Variants in CSMD1 observed in about 807,000 individuals in gnomAD.
The protein encoded by CSMD1 is CUB and sushi domain-containing protein 1.
A neutral mutation model predicts 417.5 loss-of-function variants in CSMD1; 213 were observed. That is an observed-to-expected ratio of 0.51 (90% CI 0.46 to 0.57). The LOEUF is 0.57. Among genes scored for constraint, CSMD1 ranks in the 20% least tolerant of loss-of-function variants. The probability of loss-of-function intolerance (pLI) is 0.00; values close to 1 mark genes in which losing one functional copy is unlikely to be tolerated. For missense variants in CSMD1, 6,923 were observed against 4,529.7 expected, an observed-to-expected ratio of 1.53 and a Z score of -15.17; for synonymous variants, 2,862 against 1,736.8, an observed-to-expected ratio of 1.65 and a Z score of -16.11.
rs79200833 is a variant in CSMD1, at chr8:4,103,025, G to T, written c.416-70926C>A. Reference sequence around the variant, plus strand: ...TCTAAACTTTTTACTCTTTGACATTGTGAGTTGACTCAGCGGGTCAGAGAA... The same window carrying T: ...TCTAAACTTTTTACTCTTTGACATTTTGAGTTGACTCAGCGGGTCAGAGAA... On this transcript the variant is annotated intron_variant, in intron 3 of 69. Coordinates refer to ENST00000635120, the MANE Select transcript of CSMD1 (RefSeq NM_033225.6). 5.3e-3 allele frequency among the ~76,000 whole-genome samples: 813 copies of T among 152,246 alleles called. 6 individuals are homozygous for T. The highest frequency in any genetic ancestry group is 0.019 in the African/African-American group (779 of 41,556).
intron 1 of CSMD1, among the ~76,000 whole-genome samples, chr8:4,777,532 A>AT (rs1284408692): frequency 6.6e-6 from 1 of 152,206 alleles, no homozygotes; most frequent in Non-Finnish European, 1.5e-5. Flanking sequence ...AACATAACAC[A>AT]TTTTTTAAAA....
chr8:4,651,458 C>G (rs1803891388), intron 1 of CSMD1, among the ~76,000 whole-genome samples: 1 of 152,082 alleles, frequency 6.6e-6, no homozygotes, highest in Admixed American at 6.6e-5. Flanking sequence ...TGATTATAGT[C>G]ATATACTGGT....
intron 5 of CSMD1, among the ~76,000 whole-genome samples, chr8:3,934,211 C>G (rs947340442): frequency 6.6e-6 from 1 of 152,188 alleles, no homozygotes; most frequent in African/African-American, 2.4e-5. Context: ...TCATTACACT[C>G]CTACCTAATC....
At chr8:3,622,143 G>C (rs1006720375) in intron 7 of CSMD1, among the ~76,000 whole-genome samples, 1 of 152,070 alleles carries the variant, frequency 6.6e-6, no homozygotes, top group Non-Finnish European at 1.5e-5. Flanking sequence ...TCTACTACTA[G>C]CTCTCTGAAA....
intron 49 of CSMD1, among the ~76,000 whole-genome samples, chr8:3,082,762 T>A (rs1444304789): frequency 1.3e-5 from 2 of 152,172 alleles, no homozygotes; most frequent in East Asian, 3.9e-4. Context: ...GTCAAGAAAT[T>A]ATACAAAAGA....
At chr8:3,150,461 C>G (rs35194327) in intron 40 of CSMD1, among the ~76,000 whole-genome samples, 10,329 of 152,266 alleles carry the variant, frequency 0.068, 448 homozygotes, top group Middle Eastern at 0.12. Flanking sequence ...CTGAGCAAGT[C>G]CACCCTGACT....
At chr8:4,764,396 A>G (rs930718848) in intron 1 of CSMD1, among the ~76,000 whole-genome samples, 5 of 152,180 alleles carry the variant, frequency 3.3e-5, no homozygotes. Context: ...TTTCTGGCAT[A>G]TTACTTTTTT....
chr8:4,806,695 T>C (rs981359043), intron 1 of CSMD1, among the ~76,000 whole-genome samples: 1 of 152,132 alleles, frequency 6.6e-6, no homozygotes, highest in Non-Finnish European at 1.5e-5. Flanking sequence ...TGCCTGTGAG[T>C]TTCATGTAGA....
chr8:3,944,177 T>G (rs954157505), intron 5 of CSMD1, among the ~76,000 whole-genome samples: 1 of 152,112 alleles, frequency 6.6e-6, no homozygotes, highest in Non-Finnish European at 1.5e-5. Context: ...ATGCAACACT[T>G]TTGTAAGTCT....
At chr8:4,049,178 C>G (rs772325004) in intron 3 of CSMD1, among the ~76,000 whole-genome samples, 7 of 152,068 alleles carry the variant, frequency 4.6e-5, no homozygotes, top group Non-Finnish European at 1.0e-4. Flanking sequence ...ATCAAAGAGT[C>G]TATCTTAGGT....
At chr8:4,108,823 C>A (rs1195455321) in intron 3 of CSMD1, among the ~76,000 whole-genome samples, 2 of 152,196 alleles carry the variant, frequency 1.3e-5, no homozygotes, top group African/African-American at 4.8e-5. Flanking sequence ...TGGCAAAGAC[C>A]AGCAGAGTTC....
chr8:4,138,554 G>A (rs1803580240), intron 3 of CSMD1, among the ~76,000 whole-genome samples: 1 of 151,952 alleles, frequency 6.6e-6, no homozygotes, highest in Non-Finnish European at 1.5e-5. Context: ...TTTTATCTAA[G>A]AAAGAATCCC....
At chr8:4,253,267 G>C (rs910207974) in intron 3 of CSMD1, among the ~76,000 whole-genome samples, 7 of 152,094 alleles carry the variant, frequency 4.6e-5, no homozygotes, top group African/African-American at 1.7e-4. Flanking sequence ...TTGATGTTAA[G>C]ACCCTGAGGC....
chr8:3,188,000 T>A, intron 35 of CSMD1, 35 bp from the exon 36 acceptor site: 1 of 1,573,144 alleles, frequency 6.4e-7, no homozygotes. Context: ...ATATTTATTT[T>A]TGGCTTAACA....
At chr8:4,943,481 G>A (rs371467017) in intron 1 of CSMD1, among the ~76,000 whole-genome samples, 1 of 141,464 alleles carries the variant, frequency 7.1e-6, no homozygotes, top group Non-Finnish European at 1.5e-5. Flanking sequence ...GGGGGACAGA[G>A]TGAGACACCG....
intron 3 of CSMD1, among the ~76,000 whole-genome samples, chr8:4,066,732 A>G (rs1337609333): frequency 6.6e-6 from 1 of 152,132 alleles, no homozygotes; most frequent in African/African-American, 2.4e-5. Flanking sequence ...ACGAGAGTGA[A>G]GACTGAGATG....
At chr8:4,425,852 G>C (rs73512744) in intron 2 of CSMD1, among the ~76,000 whole-genome samples, 6,607 of 151,972 alleles carry the variant, frequency 0.043, 493 homozygotes, top group African/African-American at 0.15. Context: ...TATATGCAAC[G>C]TTACTGATAA....
At chr8:4,008,521 A>G (rs941787921) in intron 4 of CSMD1, among the ~76,000 whole-genome samples, 1 of 146,440 alleles carries the variant, frequency 6.8e-6, no homozygotes, top group South Asian at 2.2e-4. Flanking sequence ...ACTTGAAGTT[A>G]TTGTTGAAAG....
chr8:4,445,794 A>C (rs1457445133), intron 2 of CSMD1, among the ~76,000 whole-genome samples: 1 of 152,222 alleles, frequency 6.6e-6, no homozygotes, highest in Non-Finnish European at 1.5e-5. Flanking sequence ...AATGTGTCAG[A>C]AATAGATGAT....
Sources: gnomAD v4.1 joint callset for allele counts (sites outside exome capture counted in the v4.1 genomes callset) on GRCh38, gnomAD v4.1.1 for gene constraint, MANE v1.5 for transcripts, NCBI Gene and HGNC (gene_info 2026-07-23, HGNC 2026-07-21) for gene names.